CPQ: variants seen among roughly 807,000 people sequenced by gnomAD.
CPQ encodes Ser-Met dipeptidase.
Under a neutral mutation model 45.7 loss-of-function variants are expected in CPQ, and 37 were observed. That is an observed-to-expected ratio of 0.81 (90% CI 0.62 to 1.07). CPQ has a LOEUF of 1.07. Ranked by LOEUF, CPQ falls within the 50% of genes least tolerant of loss-of-function variation. The probability of loss-of-function intolerance (pLI) is 0.00; values close to 1 mark genes in which losing one functional copy is unlikely to be tolerated. For missense variants in CPQ, 537 were observed against 572.9 expected, an observed-to-expected ratio of 0.94 and a Z score of 0.64; for synonymous variants, 186 against 205.8, an observed-to-expected ratio of 0.90 and a Z score of 0.82.
chr8:97,071,099 A>G (rs546874987), intron 7 of CPQ, among the ~76,000 whole-genome samples: 2 of 152,288 alleles, frequency 1.3e-5, no homozygotes, highest in South Asian at 4.1e-4. Context: ...TCTGAAATTC[A>G]ACTTTTTGTT....
chr8:96,748,910 G>T (rs1810224454), intron 1 of CPQ, among the ~76,000 whole-genome samples: 1 of 152,052 alleles, frequency 6.6e-6, no homozygotes, highest in South Asian at 2.1e-4. Flanking sequence ...TCCTCTTAAA[G>T]AATTCCTGCT....
intron 1 of CPQ, among the ~76,000 whole-genome samples, chr8:96,767,790 T>C (rs1810487793): frequency 6.6e-6 from 1 of 151,870 alleles, no homozygotes; most frequent in African/African-American, 2.4e-5. Flanking sequence ...ATTACAGGCA[T>C]GCGCCACCAT....
chr8:97,078,798 TCTCTCTCTCC>T (rs1361269267), intron 7 of CPQ, among the ~76,000 whole-genome samples: 7 of 149,852 alleles, frequency 4.7e-5, no homozygotes, highest in African/African-American at 1.7e-4. Context: ...TCTCTCTCTC[TCTCTCTCTCC>T]CTCTCTCCTT....
At chr8:96,670,074 CAT>C (rs775284415) in intron 1 of CPQ, among the ~76,000 whole-genome samples, 9 of 152,192 alleles carry the variant, frequency 5.9e-5, no homozygotes, top group Non-Finnish European at 1.3e-4. Context: ...ATCGCACACA[CAT>C]GTTTTCTCTG....
At chr8:97,120,662 G>A (rs1433435594) in intron 7 of CPQ, among the ~76,000 whole-genome samples, 4 of 152,178 alleles carry the variant, frequency 2.6e-5, no homozygotes. Flanking sequence ...ATCTTATGAT[G>A]TGGCTTTGGT....
intron 2 of CPQ, among the ~76,000 whole-genome samples, chr8:96,806,132 A>G (rs752970841): frequency 2.6e-5 from 4 of 152,126 alleles, no homozygotes; most frequent in Non-Finnish European, 5.9e-5. Context: ...CTAGCACAAC[A>G]TTAGGGAATT....
chr8:96,952,756 AGTGGAT>A (rs1322133528), intron 4 of CPQ, among the ~76,000 whole-genome samples: 28 of 152,196 alleles, frequency 1.8e-4, no homozygotes, highest in African/African-American at 6.5e-4. Context: ...TGTTTTACAC[AGTGGAT>A]GATAATTTTG....
intron 1 of CPQ, among the ~76,000 whole-genome samples, chr8:96,767,545 C>G (rs934575626): frequency 6.6e-6 from 1 of 150,648 alleles, no homozygotes; most frequent in African/African-American, 2.4e-5. Context: ...ACACCTACTC[C>G]CCTGATAAAT....
intron 4 of CPQ, among the ~76,000 whole-genome samples, chr8:96,893,004 C>T (rs1812397674): frequency 1.3e-5 from 2 of 152,140 alleles, no homozygotes; most frequent in Admixed American, 6.5e-5. Flanking sequence ...TAGTAGTCTA[C>T]GTGTTTCTCA....
intron 6 of CPQ, among the ~76,000 whole-genome samples, chr8:97,061,709 C>T (rs1250581875): frequency 2.0e-5 from 3 of 152,112 alleles, no homozygotes; most frequent in Admixed American, 6.6e-5. Context: ...TGCCTAGCAT[C>T]GTTGTAATCA....
rs754878272 is a variant in CPQ at position 96,667,818 on chromosome 8, A to G, written c.-35+22416A>G. Among the ~76,000 whole-genome samples, 4 of 152,150 alleles carry G rather than the reference A, an allele frequency of 2.6e-5. 1 individual carries two copies. In the South Asian group the frequency reaches 6.2e-4, roughly 24 times the overall value. On this transcript the variant is annotated intron_variant, in intron 1 of 7. Coordinates refer to ENST00000220763, the MANE Select transcript of CPQ (RefSeq NM_016134.4). ...GTGTGTCTGAAGTCCTGTCTCTTAT[A>G]TGAAGTCTTGTCTAATTATCTAGAT...
At chr8:96,770,853 C>G (rs1425076469) in intron 1 of CPQ, among the ~76,000 whole-genome samples, 2 of 148,908 alleles carry the variant, frequency 1.3e-5, no homozygotes, top group African/African-American at 4.9e-5. Flanking sequence ...TTGAAAGGCT[C>G]TAGCACAGCC....
chr8:97,080,472 T>G (rs1393470562), intron 7 of CPQ, among the ~76,000 whole-genome samples: 1 of 152,198 alleles, frequency 6.6e-6, no homozygotes, highest in African/African-American at 2.4e-5. Context: ...GAGATTTTGG[T>G]AAAACTGAGT....
intron 2 of CPQ, among the ~76,000 whole-genome samples, chr8:96,792,681 T>A (rs1810865055): frequency 6.6e-6 from 1 of 152,168 alleles, no homozygotes; most frequent in Non-Finnish European, 1.5e-5. Context: ...AAATAGTTAC[T>A]CATTTAGTTT....
At chr8:97,009,218 G>T (rs765289295) in intron 5 of CPQ, among the ~76,000 whole-genome samples, 1 of 152,226 alleles carries the variant, frequency 6.6e-6, no homozygotes, top group Non-Finnish European at 1.5e-5. Context: ...AACCAGCTCT[G>T]TGCTGGCCTC....
chr8:96,839,585 C>T (rs1811578931), intron 3 of CPQ, among the ~76,000 whole-genome samples: 1 of 152,180 alleles, frequency 6.6e-6, no homozygotes, highest in Admixed American at 6.5e-5. Flanking sequence ...TGCATTATTT[C>T]TCTAATTTAT....
Position 96,848,926 on chromosome 8 carries a change from T to C in CPQ, c.641+13746T>C, listed in dbSNP as rs569361404. Among the ~76,000 whole-genome samples the C allele has an allele frequency of 5.9e-5, 9 of 152,338 alleles. No individual in the cohort carries two copies. In the South Asian group the frequency reaches 1.9e-3, roughly 32 times the overall value. The stretch of plus-strand genomic sequence containing the variant: ...TTTCTCAAGGTGATGTACTTTTTCA[T>C]TATTTGGCTTATTGAGTGATCTGTG... On this transcript the variant is annotated intron_variant, in intron 3 of 7. Coordinates refer to ENST00000220763, the MANE Select transcript of CPQ (RefSeq NM_016134.4).
In CPQ at chr8:96,915,203, T is replaced by G. The variant is rs539624283; in HGVS notation, c.849+35198T>G. On this transcript the variant is annotated intron_variant, in intron 4 of 7. Coordinates refer to ENST00000220763, the MANE Select transcript of CPQ (RefSeq NM_016134.4). ...CCTGTCCTGCTACTTCAGGGGCCTA[T>G]GTTTTTAAGAGCTGCAGCCTTGGGA... 3.3e-5 allele frequency among the ~76,000 whole-genome samples: 5 copies of G among 152,290 alleles called. No homozygotes were observed. The South Asian group carries it at 1.0e-3, about 32-fold the overall frequency.
At chr8:96,928,300 G>A (rs537281867) in intron 4 of CPQ, among the ~76,000 whole-genome samples, 27 of 151,700 alleles carry the variant, frequency 1.8e-4, no homozygotes, top group African/African-American at 6.1e-4. Flanking sequence ...GTTAACATTG[G>A]CATGGTAGCA....
Sources: gnomAD v4.1 joint callset for allele counts (sites outside exome capture counted in the v4.1 genomes callset) on GRCh38, gnomAD v4.1.1 for gene constraint, MANE v1.5 for transcripts, NCBI Gene and HGNC (gene_info 2026-07-23, HGNC 2026-07-21) for gene names.